The following CNOT3 variants were observed in gnomAD, a reference collection of about 807,000 sequenced individuals.
CNOT3 encodes the protein CCR4-associated factor 3.
In CNOT3, 2 loss-of-function variants were observed where a neutral mutation model predicts 89.4. The observed-to-expected ratio is 0.02, with a 90% confidence interval of 0.01 to 0.07. CNOT3 has a LOEUF of 0.07. Among genes scored for constraint, CNOT3 ranks in the 10% least tolerant of loss-of-function variants. CNOT3 has a pLI of 1.00. For missense variants in CNOT3, 664 were observed against 1,010.2 expected, an observed-to-expected ratio of 0.66 and a Z score of 4.65; for synonymous variants, 486 against 402.0, an observed-to-expected ratio of 1.21 and a Z score of -2.50.
In CNOT3 at chr19:54,148,210, G is replaced by A. The variant is rs1404494922; in HGVS notation, c.957G>A (p.Val319=). Residue 319 remains valine (V), a synonymous_variant, in exon 11 of 18, where the codon GTG becomes GTA. Coordinates refer to ENST00000221232, the MANE Select transcript of CNOT3 (RefSeq NM_014516.4). This position sits in a 1 kb window ranked among gnomAD's most constrained non-coding sequence, Gnocchi z 6.3. ...HSNQHPQSPA[V]PPTYPSGPPP... ...ACCAGCACCCTCAGTCCCCAGCTGT[G>A]CCGCCCACCTACCCCTCCGGCCCCC... The A allele has an allele frequency of 1.3e-6, 2 of 1,589,738 alleles. No individual in the cohort carries two copies. The highest frequency in any genetic ancestry group is 1.7e-6 in the Non-Finnish European group (2 of 1,168,316).
intron 12 of CNOT3, among the ~76,000 whole-genome samples, chr19:54,149,201 A>G (rs1054724798): frequency 2.0e-5 from 3 of 152,144 alleles, no homozygotes; most frequent in African/African-American, 7.2e-5. Context: ...TGCACAAAGG[A>G]AAGGCCTGCT....
At chr19:54,152,778 T>C in intron 15 of CNOT3, 89 bp from the exon 16 acceptor site, 1 of 846,962 alleles carries the variant, frequency 1.2e-6, no homozygotes, top group Non-Finnish European at 2.0e-6. Flanking sequence ...CTGTACCACC[T>C]CCCCCCGCAG....
chr19:54,138,937 C>T (rs1404439129), intron 1 of CNOT3, among the ~76,000 whole-genome samples: 2 of 152,216 alleles, frequency 1.3e-5, no homozygotes, highest in African/African-American at 2.4e-5. Flanking sequence ...GCCTTGAACT[C>T]CCCTGCATCG....
intron 1 of CNOT3, among the ~76,000 whole-genome samples, chr19:54,139,618 T>A (rs1009682624): frequency 1.7e-4 from 26 of 152,284 alleles, no homozygotes; most frequent in African/African-American, 6.3e-4. Context: ...CGCCTCTGCA[T>A]GTGTCCCCAC....
chr19:54,147,758 T>C (rs2074763289), intron 10 of CNOT3, among the ~76,000 whole-genome samples: 1 of 152,210 alleles, frequency 6.6e-6, no homozygotes, highest in Non-Finnish European at 1.5e-5. Flanking sequence ...TTTTTCCTTC[T>C]ACTCTTGGAC....
rs1454944996 is a variant in CNOT3 at position 54,146,055 on chromosome 19, C to CGGGA, written c.837+13_837+16dup. ...CCAACTGTACCACGGTGAGGCCCCA[C>CGGGA]GGGACACTAGTACCTTGTGTTTCCA... On this transcript the variant is annotated intron_variant, in intron 9 of 17. Transcript: ENST00000221232. The CGGGA allele has an allele frequency of 2.5e-6, 4 of 1,611,714 alleles. No individual in the cohort carries two copies. Among genetic ancestry groups the CGGGA allele is most frequent in the Non-Finnish European group, 1.7e-6 (2 of 1,179,170 alleles).
Position 54,149,557 on chromosome 19 carries a change from C to T in CNOT3, c.1407-3C>T, listed in dbSNP as rs2074933262. On this transcript the variant is annotated splice_polypyrimidine_tract_variant and splice_region_variant and intron_variant, in intron 12 of 17. Transcript: ENST00000221232. ...AACCCCCTCTTCCATGCTCTCTCTC[C>T]AGGAAGGAACCCAGTGCGGCAGCCC... 1.3e-6 allele frequency: 2 copies of T among 1,570,716 alleles called. No homozygotes were observed. The highest frequency in any genetic ancestry group is 1.7e-4 in the Middle Eastern group (1 of 5,754).
At chr19:54,150,602 C>T (rs1372919017) in intron 13 of CNOT3, among the ~76,000 whole-genome samples, 1 of 151,402 alleles carries the variant, frequency 6.6e-6, no homozygotes, top group Non-Finnish European at 1.5e-5. Context: ...TGTGCGCGCC[C>T]AGGCTGTCCA....
Position 54,144,437 on chromosome 19 carries a change from C to A in CNOT3, c.483+105C>A. On this transcript the variant is annotated intron_variant, in intron 7 of 17. Transcript: ENST00000221232. The surrounding 1 kb of genome is among the most constrained non-coding windows in gnomAD (Gnocchi z 4.8). ...GCTCCTGGGAGTTGGGGCCTGGATT[C>A]CTCAGGCGGACAGGGCCAACAGCCG... 2.4e-6 allele frequency: 2 copies of A among 837,070 alleles called. No homozygotes were observed. Among genetic ancestry groups the A allele is most frequent in the Non-Finnish European group, 4.0e-6 (2 of 502,962 alleles). 51.9% of individuals were successfully genotyped at this position (837,070 alleles called of 1,614,324 possible).
chr19:54,139,034 G>A (rs1221103191), intron 1 of CNOT3, among the ~76,000 whole-genome samples: 5 of 152,196 alleles, frequency 3.3e-5, no homozygotes, highest in African/African-American at 1.2e-4. Flanking sequence ...GGGATCCCCT[G>A]GCGCTCAGGT....
At position 54,137,968 on chromosome 19, in the gene CNOT3, C is replaced by T. The variant is rs1240642453; in HGVS notation, c.-76C>T. On this transcript the variant is annotated 5_prime_UTR_variant, in exon 1 of 18. Coordinates refer to ENST00000221232, the MANE Select transcript of CNOT3 (RefSeq NM_014516.4). Reference sequence around the variant, plus strand: ...CCTCCCCCGCCTGTCGCGATACGCTCCTCAGCGGCGGCGCCAGCTCCTGTG... The same window carrying T: ...CCTCCCCCGCCTGTCGCGATACGCTTCTCAGCGGCGGCGCCAGCTCCTGTG... 2 of 152,142 alleles carry T rather than the reference C, an allele frequency of 1.3e-5. No homozygotes were observed. The highest frequency in any genetic ancestry group is 2.4e-5 in the African/African-American group (1 of 41,458). The allele number at this position is 152,142 out of a possible 1,614,324, so 9.4% of individuals were successfully genotyped here.
At chr19:54,143,263 T>G in intron 3 of CNOT3, 77 bp downstream of exon 3, 1 of 1,365,954 alleles carries the variant, frequency 7.3e-7, no homozygotes, top group Non-Finnish European at 1.0e-6. Context: ...CCTCTGGGTG[T>G]TGACCAGCGG....
chr19:54,147,741 C>T (rs1472943684), intron 10 of CNOT3, among the ~76,000 whole-genome samples: 1 of 152,212 alleles, frequency 6.6e-6, no homozygotes, highest in African/African-American at 2.4e-5. Context: ...TATCCAATTT[C>T]CAGCTGTTTT....
Position 54,152,469 on chromosome 19 carries a change from C to G in CNOT3, c.1747C>G (p.Gln583Glu), listed in dbSNP as rs748237632. ...TACATCAGCACCTCCGGCCTCAGCCCAGCCGCCCCTGCAGCTGTCAGAGGT... is the reference window on the plus strand; with the variant it reads ...TACATCAGCACCTCCGGCCTCAGCCGAGCCGCCCCTGCAGCTGTCAGAGGT... ...SSTSAPPASAQPPLQLSEVNI... is the reference protein window; with the variant it reads ...SSTSAPPASAEPPLQLSEVNI... The change falls in exon 15 of 18, where the codon CAG becomes GAG. Residue 583 changes from glutamine (Q) to glutamate (E), a missense_variant. Gln to Glu is a conservative substitution (Grantham distance 29). Around this residue, in one of 8 missense-constraint regions of CNOT3, gnomAD observed 545 missense variants for 566.2 expected, o/e 0.96. Transcript: ENST00000221232. 6.2e-7 allele frequency: 1 copy of G among 1,614,218 alleles called. No individual in the cohort carries two copies. The highest frequency in any genetic ancestry group is 1.1e-5 in the South Asian group (1 of 91,090).
At chr19:54,140,863 A>G (rs754162864) in intron 1 of CNOT3, among the ~76,000 whole-genome samples, 11 of 152,106 alleles carry the variant, frequency 7.2e-5, no homozygotes, top group Admixed American at 1.3e-4. Flanking sequence ...CTGCACTAGG[A>G]TACCAGTCCT....
intron 13 of CNOT3, 44 bp downstream of exon 13, chr19:54,149,802 G>GC (rs2074959671): frequency 6.5e-7 from 1 of 1,529,764 alleles, no homozygotes; most frequent in African/African-American, 1.4e-5. Flanking sequence ...TCCTGACTCT[G>GC]TTGTTTCTTT....
rs750443288 is a variant in CNOT3 at position 54,153,035 on chromosome 19, C to G, written c.2037+36C>G. On this transcript the variant is annotated intron_variant, in intron 16 of 17. Transcript: ENST00000221232. ...GCCCCCGGGGCAGCCTCGGGCCCCC[C>G]GGCTTCGCCGCCACCGCCGCCGTCC... The G allele has an allele frequency of 3.8e-6, 6 of 1,583,114 alleles. No individual in the cohort carries two copies. The African/African-American group carries it at 5.4e-5, about 14-fold the overall frequency.
In CNOT3 at chr19:54,144,233, C is replaced by T; in HGVS notation, c.388-4C>T. On this transcript the variant is annotated splice_region_variant and splice_polypyrimidine_tract_variant and intron_variant, in intron 6 of 17. Transcript: ENST00000221232. This position sits in a 1 kb window ranked among gnomAD's most constrained non-coding sequence, Gnocchi z 4.8. The stretch of plus-strand genomic sequence containing the variant: ...TGGGCTTCCTCTTCCTCTCCCTCCC[C>T]TAGAATACCATCGACACGCTCAACA... 1 of 1,614,006 alleles carries T rather than the reference C, an allele frequency of 6.2e-7. No individual in the cohort carries two copies.
rs1269528020 is a variant in CNOT3, at chr19:54,148,913, C to G, written c.1406+170C>G. On this transcript the variant is annotated intron_variant, in intron 12 of 17. Transcript: ENST00000221232. This position sits in a 1 kb window ranked among gnomAD's most constrained non-coding sequence, Gnocchi z 6.3. ...GTGTTACACCCCCACTTCTTTCCAG[C>G]AAGGAAACTACATCAGCCTCCCTGC... Among the ~76,000 whole-genome samples, 1 of 152,228 alleles carries G rather than the reference C, an allele frequency of 6.6e-6. No homozygotes were observed. Among genetic ancestry groups the G allele is most frequent in the African/African-American group, 2.4e-5 (1 of 41,454 alleles).
Sources: allele counts gnomAD v4.1 joint callset (sites outside exome capture counted in the v4.1 genomes callset), GRCh38; gene constraint gnomAD v4.1.1; regional missense constraint gnomAD v4.1.1; non-coding constraint Gnocchi (gnomAD v3.1); transcripts MANE v1.5; gene names NCBI Gene and HGNC (gene_info 2026-07-23, HGNC 2026-07-21).